Variants in MACC1 observed in about 807,000 individuals in gnomAD.
MACC1 encodes MET transcriptional regulator MACC1, also known as metastasis-associated in colon cancer protein 1.
A neutral mutation model predicts 70.7 loss-of-function variants in MACC1; 79 were observed. The ratio of observed to expected loss-of-function variants is 1.12; its 90% CI spans 0.93 to 1.35. MACC1 has a LOEUF of 1.35. MACC1 is among the 40% of genes most tolerant of loss of function. The pLI, the probability that MACC1 is intolerant of heterozygous loss-of-function variation, is 0.00. For synonymous variants in MACC1, 361 were observed against 347.2 expected (o/e 1.04, Z -0.44); for missense variants, 1,106 against 978.1 (o/e 1.13, Z -1.74).
intron 1 of MACC1, among the ~76,000 whole-genome samples, chr7:20,173,717 T>C (rs1415296716): frequency 6.6e-6 from 1 of 152,208 alleles, no homozygotes; most frequent in Non-Finnish European, 1.5e-5. Context: ...CCTAGCCACA[T>C]ACCATCTTGG....
intron 1 of MACC1, among the ~76,000 whole-genome samples, chr7:20,215,399 C>T (rs776104310): frequency 2.6e-5 from 4 of 152,108 alleles, no homozygotes; most frequent in Non-Finnish European, 5.9e-5. Flanking sequence ...ATGACACTTC[C>T]TAGAGACACT....
chr7:20,180,157 G>A (rs990100745), intron 1 of MACC1, among the ~76,000 whole-genome samples: 1 of 151,972 alleles, frequency 6.6e-6, no homozygotes, highest in Non-Finnish European at 1.5e-5. Context: ...AAAATATATA[G>A]GCAATGGCCA....
rs755109596 is a variant in MACC1, at chr7:20,140,928, A to G, written c.*18T>C. 1.3e-6 allele frequency: 2 copies of G among 1,597,240 alleles called. No individual in the cohort carries two copies. Among genetic ancestry groups the G allele is most frequent in the Non-Finnish European group, 1.7e-6 (2 of 1,168,576 alleles). On this transcript the variant is annotated 3_prime_UTR_variant, in exon 7 of 7. Coordinates refer to ENST00000400331, the MANE Select transcript of MACC1 (RefSeq NM_182762.4). ...CATTACCTCATTTTCCCTCCCATCA[A>G]AAACACACGCTTTGTTTCTATACTT...
rs925930238 is a variant in MACC1 at position 20,209,444 on chromosome 7, G to A, written c.-218+7855C>T. 1.6e-4 allele frequency among the ~76,000 whole-genome samples: 25 copies of A among 152,230 alleles called. 1 individual carries two copies. Among genetic ancestry groups the A allele is most frequent in the Non-Finnish European group, 8.8e-5 (6 of 68,040 alleles). On this transcript the variant is annotated intron_variant, in intron 1 of 6. Coordinates refer to ENST00000400331, the MANE Select transcript of MACC1 (RefSeq NM_182762.4). ...ATGAGATCATTCTGGAACTTTATGG[G>A]TTAATGACTGCCCTACTGGATTTCA... is the stretch of plus-strand genomic sequence containing the variant.
intron 2 of MACC1, among the ~76,000 whole-genome samples, chr7:20,168,712 C>T (rs868277494): frequency 6.6e-6 from 1 of 152,176 alleles, no homozygotes. Context: ...CTATCTGCCT[C>T]CCTATTCTAA....
At chr7:20,188,639 T>C (rs2128106766) in intron 1 of MACC1, among the ~76,000 whole-genome samples, 1 of 152,202 alleles carries the variant, frequency 6.6e-6, no homozygotes, top group South Asian at 2.1e-4. Context: ...TATCCAAAAA[T>C]ATTTTTCTTC....
At position 20,158,285 on chromosome 7, in the gene MACC1, T is replaced by A. The variant is rs1278819462; in HGVS notation, c.2076A>T (p.Lys692Asn). 16 of 1,612,452 alleles carry A rather than the reference T, an allele frequency of 9.9e-6. No homozygotes were observed. In the Admixed American group the frequency reaches 2.7e-4, roughly 27 times the overall value. Residue 692 changes from lysine (K) to asparagine (N), a missense_variant, in exon 5 of 7, where the codon AAA becomes AAT. Physicochemically the swap from Lys to Asn is moderately conservative, Grantham distance 94. Transcript: ENST00000400331. ...TTAACTTCTTTATAACATAAGAAAC[T>A]TTCTCTGATTCTTTGTCTGCTTGAA... ...DQIQADKESE[K>N]VSYVIKKLKE...
Position 20,142,212 on chromosome 7 carries a change from G to A in MACC1, c.2347-1054C>T, listed in dbSNP as rs188939530. Among the ~76,000 whole-genome samples, 13 of 152,108 alleles carry A rather than the reference G, an allele frequency of 8.5e-5. No individual in the cohort carries two copies. In the East Asian group the frequency reaches 2.3e-3, roughly 27 times the overall value. ...TAATATCACATGAACTAAAGCCTTG[G>A]CATATAATTTTCACCATCCTCCAAT... On this transcript the variant is annotated intron_variant, in intron 6 of 6. Coordinates refer to ENST00000400331, the MANE Select transcript of MACC1 (RefSeq NM_182762.4).
intron 1 of MACC1, among the ~76,000 whole-genome samples, chr7:20,187,015 G>A (rs1424642037): frequency 6.6e-6 from 1 of 152,028 alleles, no homozygotes; most frequent in Non-Finnish European, 1.5e-5. Flanking sequence ...TGACATAAAG[G>A]AAGTCCCTAA....
chr7:20,198,019 G>A lies in MACC1; in HGVS notation c.-218+19280C>T, dbSNP rs1435283073. On this transcript the variant is annotated intron_variant, in intron 1 of 6. Coordinates refer to ENST00000400331, the MANE Select transcript of MACC1 (RefSeq NM_182762.4). ...GAGGAAAATACCACCCTCTGGTGGT[G>A]AAACCCTTAAACAGCAAAGGCCTGG... is the stretch of plus-strand genomic sequence containing the variant. 4.6e-5 allele frequency among the ~76,000 whole-genome samples: 7 copies of A among 152,146 alleles called. 1 individual carries two copies. The East Asian group carries it at 1.2e-3, about 25-fold the overall frequency.
In MACC1 at chr7:20,136,830, GATT is replaced by G. The variant is rs1451895104; in HGVS notation, c.*4113_*4115del. On this transcript the variant is annotated 3_prime_UTR_variant, in exon 7 of 7. Transcript: ENST00000400331. Reference sequence around the variant, plus strand: ...ATTATTATTAATTCTTAAAGATTAAGATTATTATTAATTATTAATTGTAATTAT... The same window carrying G: ...ATTATTATTAATTCTTAAAGATTAAGATTATTAATTATTAATTGTAATTAT... 4 of 149,334 alleles carry G rather than the reference GATT, an allele frequency of 2.7e-5. No individual in the cohort carries two copies. The highest frequency in any genetic ancestry group is 3.3e-3 in the Middle Eastern group (1 of 304). 9.3% of individuals were successfully genotyped at this position (149,334 alleles called of 1,614,324 possible).
intron 1 of MACC1, among the ~76,000 whole-genome samples, chr7:20,208,828 G>A (rs1001406097): frequency 4.6e-5 from 7 of 152,192 alleles, no homozygotes; most frequent in Middle Eastern, 3.2e-3. Context: ...AGGGAAAAAC[G>A]GTTTCGTGGG....
intron 1 of MACC1, among the ~76,000 whole-genome samples, chr7:20,215,292 TC>T (rs931869206): frequency 7.6e-4 from 116 of 152,206 alleles, no homozygotes; most frequent in African/African-American, 2.7e-3. Context: ...TAGATAAGGA[TC>T]CCCTCAAGGG....
At position 20,159,404 on chromosome 7, in the gene MACC1, A is replaced by G; in HGVS notation, c.957T>C (p.Pro319=). ...VCLHSLGKEG[P]FKVLSNCYIY... is the part of the protein sequence containing the mutation. ...TGTAGCAGTTGCTTAAAACTTTAAA[A>G]GGGCCTTCTTTACCCAAGCTGTGTA... The change falls in exon 5 of 7, where the codon CCT becomes CCC. Residue 319 remains proline, a synonymous_variant. Coordinates refer to ENST00000400331, the MANE Select transcript of MACC1 (RefSeq NM_182762.4). 6.2e-7 allele frequency: 1 copy of G among 1,614,042 alleles called. No homozygotes were observed. Among genetic ancestry groups the G allele is most frequent in the Non-Finnish European group, 8.5e-7 (1 of 1,180,016 alleles).
At chr7:20,195,055 AT>A (rs1327400297) in intron 1 of MACC1, among the ~76,000 whole-genome samples, 1 of 152,128 alleles carries the variant, frequency 6.6e-6, no homozygotes, top group Non-Finnish European at 1.5e-5. Flanking sequence ...AAGTCTGGGG[AT>A]AGGAAAATTT....
chr7:20,205,787 C>G (rs1375853605), intron 1 of MACC1, among the ~76,000 whole-genome samples: 1 of 151,986 alleles, frequency 6.6e-6, no homozygotes, highest in Non-Finnish European at 1.5e-5. Flanking sequence ...TATGGGAAAG[C>G]TCAATGATGT....
At chr7:20,192,468 G>A (rs564287375) in intron 1 of MACC1, among the ~76,000 whole-genome samples, 1 of 152,172 alleles carries the variant, frequency 6.6e-6, no homozygotes, top group Non-Finnish European at 1.5e-5. Context: ...AGCTCTGCTT[G>A]TCAGTCCCAG....
chr7:20,144,516 A>T (rs1018743869), intron 6 of MACC1, among the ~76,000 whole-genome samples: 2 of 152,178 alleles, frequency 1.3e-5, no homozygotes, highest in African/African-American at 4.8e-5. Flanking sequence ...GAATTTTTTT[A>T]ATCTATAAAA....
At chr7:20,163,446 G>T (rs941831066) in intron 3 of MACC1, among the ~76,000 whole-genome samples, 13 of 152,212 alleles carry the variant, frequency 8.5e-5, no homozygotes, top group Non-Finnish European at 1.2e-4. Flanking sequence ...CTGCAGATGT[G>T]CATCAAAGAG....
Sources: gnomAD v4.1 joint callset for allele counts (sites outside exome capture counted in the v4.1 genomes callset) on GRCh38, gnomAD v4.1.1 for gene constraint, MANE v1.5 for transcripts, NCBI Gene and HGNC (gene_info 2026-07-23, HGNC 2026-07-21) for gene names.